The following FHIT variants were observed in gnomAD, a reference collection of about 807,000 sequenced individuals.
The protein encoded by FHIT is bis(5'-adenosyl)-triphosphatase.
Under a neutral mutation model 17.9 loss-of-function variants are expected in FHIT, and 19 were observed. The ratio of observed to expected loss-of-function variants is 1.06; its 90% CI spans 0.74 to 1.56. FHIT has a LOEUF of 1.56. FHIT is among the 40% of genes most tolerant of loss of function. The pLI, the probability that FHIT is intolerant of heterozygous loss-of-function variation, is 0.00. For missense variants in FHIT, 248 were observed against 189.2 expected, an observed-to-expected ratio of 1.31 and a Z score of -1.82; for synonymous variants, 81 against 69.7, an observed-to-expected ratio of 1.16 and a Z score of -0.81.
intron 7 of FHIT, among the ~76,000 whole-genome samples, chr3:59,968,598 T>C (rs1279973220): frequency 1.3e-5 from 2 of 152,060 alleles, no homozygotes; most frequent in African/African-American, 4.8e-5. Context: ...GGTAATTCTG[T>C]GGTTTTATAT....
At chr3:60,805,854 C>T (rs2106689245) in intron 4 of FHIT, among the ~76,000 whole-genome samples, 1 of 152,292 alleles carries the variant, frequency 6.6e-6, no homozygotes, top group East Asian at 1.9e-4. Context: ...CCACCGTGCC[C>T]TGCCTACCTT....
intron 4 of FHIT, among the ~76,000 whole-genome samples, chr3:60,764,247 GCACA>G (rs58044669): frequency 0.17 from 24,934 of 149,762 alleles, 3,147 homozygotes; most frequent in African/African-American, 0.36. Context: ...GTAGGAAAAT[GCACA>G]CACACACACA....
intron 4 of FHIT, among the ~76,000 whole-genome samples, chr3:60,634,567 G>C (rs1463541816): frequency 1.3e-5 from 2 of 152,098 alleles, no homozygotes; most frequent in Non-Finnish European, 1.5e-5. Flanking sequence ...AATAGACGTT[G>C]GCCTTTTTTC....
chr3:60,248,583 G>A (rs1013498844), intron 5 of FHIT, among the ~76,000 whole-genome samples: 4 of 152,086 alleles, frequency 2.6e-5, no homozygotes, highest in African/African-American at 9.7e-5. Flanking sequence ...ATCTTCATTT[G>A]AAGAAACTCT....
At chr3:60,844,880 C>G (rs1702870920) in intron 3 of FHIT, among the ~76,000 whole-genome samples, 1 of 152,014 alleles carries the variant, frequency 6.6e-6, no homozygotes, top group Non-Finnish European at 1.5e-5. Context: ...TTCTTGGTCC[C>G]CTATGACCCC....
At chr3:59,917,400 G>T (rs1413488280) in intron 8 of FHIT, among the ~76,000 whole-genome samples, 1 of 152,198 alleles carries the variant, frequency 6.6e-6, no homozygotes, top group Non-Finnish European at 1.5e-5. Flanking sequence ...TTGGGATACA[G>T]CTAGGGTAAG....
intron 1 of FHIT, among the ~76,000 whole-genome samples, chr3:61,226,692 G>A (rs980190089): frequency 6.6e-6 from 1 of 152,150 alleles, no homozygotes; most frequent in African/African-American, 2.4e-5. Flanking sequence ...AGAGAGAAAA[G>A]GAAAGAGAGA....
intron 4 of FHIT, among the ~76,000 whole-genome samples, chr3:60,793,291 G>A (rs1354382767): frequency 7.0e-6 from 1 of 142,678 alleles, no homozygotes; most frequent in Non-Finnish European, 1.5e-5. Context: ...ATGAACAAGT[G>A]ATTTCTTTTT....
At position 60,345,920 on chromosome 3, in the gene FHIT, G is replaced by A. The variant is rs75642499; in HGVS notation, c.103+190940C>T. 3.3e-3 allele frequency among the ~76,000 whole-genome samples: 505 copies of A among 152,304 alleles called. 2 individuals are homozygous for A. The highest frequency in any genetic ancestry group is 0.012 in the African/African-American group (487 of 41,570). ...GTATTTAAGCTAACATTTCTTACTT[G>A]AAGATGCATTGGTAATTTATTGATA... On this transcript the variant is annotated intron_variant, in intron 5 of 9. Coordinates refer to ENST00000492590, the MANE Select transcript of FHIT (RefSeq NM_002012.4).
chr3:60,561,423 G>A (rs1315184176), intron 4 of FHIT, among the ~76,000 whole-genome samples: 3 of 151,848 alleles, frequency 2.0e-5, no homozygotes, highest in Admixed American at 2.0e-4. Context: ...AGTCGCTATT[G>A]ATAGAATAAG....
chr3:60,896,553 G>T (rs1252049572), intron 3 of FHIT, among the ~76,000 whole-genome samples: 1 of 152,030 alleles, frequency 6.6e-6, no homozygotes, highest in Non-Finnish European at 1.5e-5. Flanking sequence ...TTTCAGAATT[G>T]TCCCACAAAT....
rs574399153 is a variant in FHIT, at chr3:60,924,934, C to G, written c.-110-102923G>C. ...AATACACAAGTCTCAGTAGCCGATT[C>G]GATCAACTGGAAGAAAGGGTATCAG... On this transcript the variant is annotated intron_variant, in intron 3 of 9. Transcript: ENST00000492590. 5.9e-5 allele frequency among the ~76,000 whole-genome samples: 9 copies of G among 151,964 alleles called. No individual in the cohort carries two copies. The East Asian group carries it at 1.4e-3, about 23-fold the overall frequency.
intron 7 of FHIT, among the ~76,000 whole-genome samples, chr3:59,970,816 A>C (rs1575790091): frequency 6.8e-6 from 1 of 146,728 alleles, no homozygotes; most frequent in Non-Finnish European, 1.5e-5. Context: ...GGATGCAAAA[A>C]CCTGCACGTC....
At chr3:60,057,768 C>G (rs1413102888) in intron 5 of FHIT, among the ~76,000 whole-genome samples, 5 of 151,894 alleles carry the variant, frequency 3.3e-5, no homozygotes, top group Non-Finnish European at 1.5e-5. Context: ...CTGGACCCCT[C>G]ATTCTCAGGA....
At chr3:61,227,951 A>G (rs2040009971) in intron 1 of FHIT, among the ~76,000 whole-genome samples, 1 of 152,202 alleles carries the variant, frequency 6.6e-6, no homozygotes, top group South Asian at 2.1e-4. Context: ...AGCTACTAAT[A>G]TGAGGAGAGG....
At chr3:60,488,874 C>G (rs1006560877) in intron 5 of FHIT, among the ~76,000 whole-genome samples, 1 of 152,136 alleles carries the variant, frequency 6.6e-6, no homozygotes, top group East Asian at 1.9e-4. Context: ...TTATGTAAAA[C>G]ATGAAACTAT....
chr3:60,142,851 G>A (rs565266501), intron 5 of FHIT, among the ~76,000 whole-genome samples: 1 of 151,946 alleles, frequency 6.6e-6, no homozygotes, highest in East Asian at 1.9e-4. Context: ...GCATACAAAA[G>A]ACAAAAATAT....
At chr3:60,501,594 C>T (rs75790563) in intron 5 of FHIT, among the ~76,000 whole-genome samples, 2,421 of 152,280 alleles carry the variant, frequency 0.016, 27 homozygotes, top group East Asian at 0.036. Flanking sequence ...CTGGCTCCTA[C>T]GCTCAACTTT....
chr3:59,814,294 G>A (rs899727999), intron 8 of FHIT, among the ~76,000 whole-genome samples: 2 of 152,206 alleles, frequency 1.3e-5, no homozygotes, highest in Admixed American at 6.5e-5. Flanking sequence ...ATATCTGGAA[G>A]AAATAAATGA....
Sources: allele counts gnomAD v4.1 joint callset (sites outside exome capture counted in the v4.1 genomes callset), GRCh38; gene constraint gnomAD v4.1.1; transcripts MANE v1.5; gene names NCBI Gene and HGNC (gene_info 2026-07-23, HGNC 2026-07-21).